HSF2BP: variants seen among roughly 807,000 people sequenced by gnomAD.
The protein encoded by HSF2BP is heat shock factor 2-binding protein.
In HSF2BP, 35 loss-of-function variants were observed where a neutral mutation model predicts 35.0. That is an observed-to-expected ratio of 1.00 (90% CI 0.76 to 1.32). The LOEUF (loss-of-function observed/expected upper bound fraction) is 1.32, where lower values mean the gene tolerates loss of function less well. HSF2BP is among the 40% of genes most tolerant of loss of function. The pLI, the probability that HSF2BP is intolerant of heterozygous loss-of-function variation, is 0.00. For synonymous variants in HSF2BP, 114 were observed against 117.4 expected, an observed-to-expected ratio of 0.97 and a Z score of 0.18; for missense variants, 326 against 321.7, an observed-to-expected ratio of 1.01 and a Z score of -0.10.
chr21:43,649,250 TA>T (rs1163695618), intron 3 of HSF2BP, among the ~76,000 whole-genome samples: 1 of 152,000 alleles, frequency 6.6e-6, no homozygotes, highest in Non-Finnish European at 1.5e-5. Context: ...GGGTTTTTTT[TA>T]TTTTTTTGAA....
At chr21:43,589,459 A>G (rs1272459738) in intron 8 of HSF2BP, among the ~76,000 whole-genome samples, 1 of 152,220 alleles carries the variant, frequency 6.6e-6, no homozygotes, top group Admixed American at 6.5e-5. Flanking sequence ...ATTCAACACA[A>G]TCCCAATAAA....
At chr21:43,654,677 C>T (rs1568946259) in intron 3 of HSF2BP, among the ~76,000 whole-genome samples, 1 of 152,156 alleles carries the variant, frequency 6.6e-6, no homozygotes, top group African/African-American at 2.4e-5. Flanking sequence ...TTGAAATAAT[C>T]ATGAAACAAG....
At chr21:43,599,654 C>T (rs992381138) in intron 7 of HSF2BP, among the ~76,000 whole-genome samples, 24 of 151,822 alleles carry the variant, frequency 1.6e-4, no homozygotes, top group African/African-American at 5.3e-4. Flanking sequence ...CTTAGCTGGG[C>T]GTGGTGGCGC....
intron 6 of HSF2BP, among the ~76,000 whole-genome samples, chr21:43,614,513 G>A (rs895359127): frequency 1.3e-5 from 2 of 152,156 alleles, no homozygotes; most frequent in African/African-American, 2.4e-5. Flanking sequence ...CCAAGTCTGC[G>A]GTCACTATGC....
At chr21:43,630,856 G>T (rs1321554762) in intron 5 of HSF2BP, among the ~76,000 whole-genome samples, 1 of 152,130 alleles carries the variant, frequency 6.6e-6, no homozygotes, top group Non-Finnish European at 1.5e-5. Context: ...TGTAAAAGAG[G>T]TAAAGACTGG....
chr21:43,656,131 T>C (rs1001362998), intron 3 of HSF2BP, among the ~76,000 whole-genome samples: 2 of 152,212 alleles, frequency 1.3e-5, no homozygotes, highest in Non-Finnish European at 2.9e-5. Flanking sequence ...AAAGTCTGAA[T>C]GGACACCAGA....
At chr21:43,600,370 A>G (rs2082037526) in intron 7 of HSF2BP, among the ~76,000 whole-genome samples, 3 of 152,370 alleles carry the variant, frequency 2.0e-5, no homozygotes, top group African/African-American at 7.2e-5. Context: ...AAACAAGCCA[A>G]TCAGTGATGC....
intron 4 of HSF2BP, among the ~76,000 whole-genome samples, chr21:43,641,411 C>T (rs537183171): frequency 6.6e-6 from 1 of 152,266 alleles, no homozygotes; most frequent in Admixed American, 6.5e-5. Context: ...ACATCATAAG[C>T]AGGTATCAAG....
intron 8 of HSF2BP, among the ~76,000 whole-genome samples, chr21:43,584,561 T>C (rs1017341249): frequency 1.3e-5 from 2 of 152,150 alleles, no homozygotes; most frequent in Non-Finnish European, 2.9e-5. Flanking sequence ...GAGTTAATGT[T>C]TGGCCAAATG....
intron 4 of HSF2BP, among the ~76,000 whole-genome samples, chr21:43,636,263 GAAAAGA>G (rs2082556871): frequency 2.0e-5 from 2 of 102,000 alleles, no homozygotes; most frequent in South Asian, 7.4e-4. Context: ...GAAAAGAAAA[GAAAAGA>G]AAAAACGAAG....
chr21:43,643,690 G>A (rs957897796), intron 4 of HSF2BP, among the ~76,000 whole-genome samples: 1 of 152,184 alleles, frequency 6.6e-6, no homozygotes, highest in Non-Finnish European at 1.5e-5. Flanking sequence ...CGGGCGTGAT[G>A]GCTCACGCCT....
At chr21:43,599,155 T>A (rs149591826) in intron 7 of HSF2BP, among the ~76,000 whole-genome samples, 1 of 152,218 alleles carries the variant, frequency 6.6e-6, no homozygotes, top group Admixed American at 6.5e-5. Context: ...AGATTTAAGG[T>A]GGCAAAAACA....
At chr21:43,658,478 T>A (rs549854076) in intron 1 of HSF2BP, among the ~76,000 whole-genome samples, 158 bp from the exon 2 acceptor site, 20 of 152,288 alleles carry the variant, frequency 1.3e-4, no homozygotes, top group Admixed American at 1.1e-3. Context: ...CTTCCCTCGC[T>A]CGGATTCAGG....
chr21:43,463,487 TAACTTAAAAGAAAA>T, the HSF2BP span: 1 of 78,248 alleles, frequency 1.3e-5, no homozygotes, highest in African/African-American at 5.3e-5. Flanking sequence ...AGTAGTCTTT[TAACTTAAAAGAAAA>T]AAGGAGAATA....
At chr21:43,610,743 A>G (rs1255989766) in intron 7 of HSF2BP, among the ~76,000 whole-genome samples, 2 of 152,224 alleles carry the variant, frequency 1.3e-5, no homozygotes, top group Non-Finnish European at 2.9e-5. Context: ...AATGTACACT[A>G]TGGTGACCAA....
intron 4 of HSF2BP, among the ~76,000 whole-genome samples, chr21:43,642,103 C>G (rs1375983371): frequency 6.6e-6 from 1 of 151,890 alleles, no homozygotes; most frequent in African/African-American, 2.4e-5. Context: ...TGAAGACCAA[C>G]TTGGGCAACA....
intron 6 of HSF2BP, among the ~76,000 whole-genome samples, chr21:43,623,645 A>G (rs2082356390): frequency 6.6e-6 from 1 of 152,170 alleles, no homozygotes; most frequent in South Asian, 2.1e-4. Context: ...TACAGAGTCA[A>G]TACAAGGCTG....
At chr21:43,573,892 G>A (rs571677289) in intron 8 of HSF2BP, among the ~76,000 whole-genome samples, 29 of 152,302 alleles carry the variant, frequency 1.9e-4, no homozygotes, top group African/African-American at 6.7e-4. Context: ...GGGCAACCTC[G>A]TGATGAGTAG....
chr21:43,589,183 T>C (rs1156555211), intron 8 of HSF2BP, among the ~76,000 whole-genome samples: 2 of 152,104 alleles, frequency 1.3e-5, no homozygotes, highest in African/African-American at 4.8e-5. Context: ...AACATTATCT[T>C]TACTACATAA....
Sources: gnomAD v4.1 joint callset for allele counts (sites outside exome capture counted in the v4.1 genomes callset) on GRCh38, gnomAD v4.1.1 for gene constraint, MANE v1.5 for transcripts, NCBI Gene and HGNC (gene_info 2026-07-23, HGNC 2026-07-21) for gene names.